Variants in PREX2 observed in about 807,000 individuals in gnomAD.
PREX2 encodes the protein phosphatidylinositol 3,4,5-trisphosphate-dependent Rac exchanger 2 protein.
In PREX2, 107 loss-of-function variants were observed where a neutral mutation model predicts 203.2. The observed-to-expected ratio is 0.53, with a 90% CI of 0.45 to 0.62. PREX2 has a LOEUF of 0.62. Ranked by LOEUF, PREX2 falls within the 20% of genes least tolerant of loss-of-function variation. The probability of loss-of-function intolerance (pLI) is 0.00; values close to 1 mark genes in which losing one functional copy is unlikely to be tolerated. For synonymous variants in PREX2, 672 were observed against 663.6 expected (o/e 1.01, Z -0.19); for missense variants, 1,777 against 1,955.9 (o/e 0.91, Z 1.72).
chr8:68,109,828 A>G (rs1356066946), intron 25 of PREX2, among the ~76,000 whole-genome samples: 4 of 152,188 alleles, frequency 2.6e-5, no homozygotes, highest in Non-Finnish European at 5.9e-5. Flanking sequence ...TAAGCATTTA[A>G]TACTAGGGAA....
chr8:68,111,551 T>C (rs1810534525), intron 25 of PREX2, among the ~76,000 whole-genome samples: 1 of 152,164 alleles, frequency 6.6e-6, no homozygotes, highest in Admixed American at 6.6e-5. Flanking sequence ...AATGATTGTT[T>C]TTCACTGAAG....
At chr8:68,047,512 T>TAC (rs1563517032) in intron 8 of PREX2, among the ~76,000 whole-genome samples, 1 of 113,284 alleles carries the variant, frequency 8.8e-6, no homozygotes, top group African/African-American at 7.4e-5. Flanking sequence ...TATATACACA[T>TAC]ACATATATAT....
At chr8:68,049,976 T>G (rs1278829285) in intron 8 of PREX2, among the ~76,000 whole-genome samples, 1 of 152,046 alleles carries the variant, frequency 6.6e-6, no homozygotes, top group Non-Finnish European at 1.5e-5. Flanking sequence ...TATTTGGTAA[T>G]TTTGATGCTA....
intron 1 of PREX2, among the ~76,000 whole-genome samples, chr8:67,982,270 A>T (rs961318977): frequency 7.2e-5 from 11 of 152,034 alleles, no homozygotes; most frequent in East Asian, 1.9e-4. Flanking sequence ...TAAAAATTTA[A>T]AAAAAAGCTG....
intron 23 of PREX2, 105 bp from the exon 24 acceptor site, chr8:68,108,004 G>C (rs1166297537): frequency 1.5e-6 from 1 of 681,190 alleles, no homozygotes; most frequent in Non-Finnish European, 2.5e-6. Context: ...CAGTTGACAT[G>C]ATTTAATTTG....
At chr8:68,127,629 C>A (rs1245777072) in intron 31 of PREX2, among the ~76,000 whole-genome samples, 2 of 151,270 alleles carry the variant, frequency 1.3e-5, no homozygotes, top group Non-Finnish European at 2.9e-5. Context: ...TATATATACA[C>A]ACATACTTGT....
intron 22 of PREX2, among the ~76,000 whole-genome samples, chr8:68,098,052 G>A (rs1810138516): frequency 6.6e-6 from 1 of 152,198 alleles, no homozygotes; most frequent in Non-Finnish European, 1.5e-5. Flanking sequence ...ACAAGATGGA[G>A]AGGAAGGAAG....
chr8:67,998,812 CTT>C (rs1806846674), intron 1 of PREX2, among the ~76,000 whole-genome samples: 1 of 152,180 alleles, frequency 6.6e-6, no homozygotes, highest in Admixed American at 6.5e-5. Context: ...TTCCCGAAAA[CTT>C]TAGCTGATTT....
intron 35 of PREX2, among the ~76,000 whole-genome samples, chr8:68,182,375 C>T (rs1247628919): frequency 1.3e-5 from 2 of 152,060 alleles, no homozygotes; most frequent in Admixed American, 1.3e-4. Context: ...ATAGTTGTCT[C>T]TCACTGAAGG....
At chr8:68,153,386 A>T (rs149812412) in intron 34 of PREX2, among the ~76,000 whole-genome samples, 1 of 152,316 alleles carries the variant, frequency 6.6e-6, no homozygotes, top group East Asian at 1.9e-4. Context: ...GTCTAAGAAT[A>T]ATTTAATCTT....
intron 37 of PREX2, among the ~76,000 whole-genome samples, chr8:68,198,356 C>CT (rs1237146269): frequency 1.3e-5 from 2 of 152,154 alleles, no homozygotes; most frequent in African/African-American, 2.4e-5. Flanking sequence ...GGCAGAGTTA[C>CT]TTTTTGCCAA....
intron 18 of PREX2, among the ~76,000 whole-genome samples, chr8:68,084,701 A>G (rs1284272166): frequency 6.6e-6 from 1 of 152,132 alleles, no homozygotes; most frequent in Non-Finnish European, 1.5e-5. Flanking sequence ...TTCCCTCTAA[A>G]CCTAATTATG....
intron 35 of PREX2, among the ~76,000 whole-genome samples, chr8:68,183,464 T>A (rs923036054): frequency 5.3e-5 from 8 of 152,172 alleles, no homozygotes; most frequent in Admixed American, 4.6e-4. Context: ...TTGAAAGGAT[T>A]TGCTTCTTTT....
rs1347814436 is a variant in PREX2 at position 68,080,448 on chromosome 8, G to GA, written c.1654dup (p.Ser552LysfsTer6). 6.2e-7 allele frequency: 1 copy of GA among 1,610,616 alleles called. No homozygotes were observed. The highest frequency in any genetic ancestry group is 1.7e-5 in the Admixed American group (1 of 59,282). ...GCATCTGTCTTTTTCTGTAGTCCTT[G>GA]AAAAAAGCGAATTCAAAGATGAACC... is the stretch of plus-strand genomic sequence containing the variant. On this transcript the variant is annotated frameshift_variant, in exon 16 of 40. Coordinates refer to ENST00000288368, the MANE Select transcript of PREX2 (RefSeq NM_024870.4). LOFTEE classifies it high-confidence loss of function.
intron 38 of PREX2, among the ~76,000 whole-genome samples, chr8:68,222,175 G>A (rs1812966532): frequency 6.6e-6 from 1 of 152,106 alleles, no homozygotes; most frequent in Non-Finnish European, 1.5e-5. Flanking sequence ...TGCTGGAAAG[G>A]CCTAGTTGCA....
chr8:68,178,356 G>A (rs1812022328), intron 35 of PREX2, among the ~76,000 whole-genome samples: 1 of 152,024 alleles, frequency 6.6e-6, no homozygotes, highest in Admixed American at 6.6e-5. Flanking sequence ...GTTTTGATTT[G>A]CATTTATCTA....
rs768903398 is a variant in PREX2, at chr8:67,990,039, G to T, written c.142-27807G>T. On this transcript the variant is annotated intron_variant, in intron 1 of 39. Coordinates refer to ENST00000288368, the MANE Select transcript of PREX2 (RefSeq NM_024870.4). ...CTCGCTGTGTTGCTCAGGCTGGAGT[G>T]CAGTGGCACCATCTTGGCTCACTGC... Among the ~76,000 whole-genome samples the T allele has an allele frequency of 5.9e-5, 9 of 152,104 alleles. No homozygotes were observed. In the South Asian group the frequency reaches 6.2e-4, roughly 11 times the overall value.
intron 24 of PREX2, chr8:68,109,159 T>C (rs1423937250): frequency 6.2e-6 from 3 of 487,328 alleles, no homozygotes; most frequent in Non-Finnish European, 7.5e-6. Flanking sequence ...GTTAACATAT[T>C]GTATTCTTGA....
chr8:68,010,386 A>G (rs1307647614), intron 1 of PREX2, among the ~76,000 whole-genome samples: 1 of 152,210 alleles, frequency 6.6e-6, no homozygotes, highest in Non-Finnish European at 1.5e-5. Context: ...ATAGGAGCAG[A>G]GAGGAGGAGA....
Sources: allele counts gnomAD v4.1 joint callset (sites outside exome capture counted in the v4.1 genomes callset), GRCh38; gene constraint gnomAD v4.1.1; transcripts MANE v1.5; gene names NCBI Gene and HGNC (gene_info 2026-07-23, HGNC 2026-07-21).